Variants in PCDHA3 observed in about 807,000 individuals in gnomAD.
PCDHA3 encodes the protein protocadherin alpha-3.
PCDHA3 carries 41 observed loss-of-function variants against 62.2 expected under a neutral mutation model. That is an observed-to-expected ratio of 0.66 (90% CI 0.51 to 0.86). The LOEUF is 0.86. Ranked by LOEUF, PCDHA3 falls within the 40% of genes least tolerant of loss-of-function variation. PCDHA3 has a pLI of 0.00. For synonymous variants in PCDHA3, 640 were observed against 555.4 expected, an observed-to-expected ratio of 1.15 and a Z score of -2.14; for missense variants, 1,304 against 1,241.2, an observed-to-expected ratio of 1.05 and a Z score of -0.76.
At position 140,802,739 on chromosome 5, in the gene PCDHA3, C is replaced by T. The variant is rs1763012821; in HGVS notation, c.1542C>T (p.Ser514=). Residue 514 remains serine, a synonymous_variant, in exon 1 of 4, where the codon AGC becomes AGT. Coordinates refer to ENST00000522353, the MANE Select transcript of PCDHA3 (RefSeq NM_018906.3). ...GCTACGTGTCGGTACACGCGGAGAG[C>T]GGCAAGGTGTACGCGCTGCAGCCGC... ...LSSYVSVHAE[S]GKVYALQPLD... is the part of the protein sequence containing the mutation. 4 of 1,612,374 alleles carry T rather than the reference C, an allele frequency of 2.5e-6. No homozygotes were observed. In the South Asian group the frequency reaches 3.3e-5, roughly 13 times the overall value.
rs143767190 is a variant in PCDHA3, at chr5:140,836,000, T to C, written c.2394+32409T>C. 1,476 of 1,613,102 alleles carry C rather than the reference T, an allele frequency of 9.2e-4. 25 individuals are homozygous for C. In the East Asian group the frequency reaches 0.013, roughly 14 times the overall value. On this transcript the variant is annotated intron_variant, in intron 1 of 3. Transcript: ENST00000522353. ...TGCAGTTCCAGGTGAGCGCGCGCGATGCGGGCGTGCCGCCTCTGGGCAGCA... is the reference window on the plus strand; with the variant it reads ...TGCAGTTCCAGGTGAGCGCGCGCGACGCGGGCGTGCCGCCTCTGGGCAGCA...
chr5:140,837,515 A>C (rs1170524958), intron 1 of PCDHA3, among the ~76,000 whole-genome samples: 2 of 96,498 alleles, frequency 2.1e-5, no homozygotes, highest in African/African-American at 1.1e-4. Context: ...GAAGCAGTTT[A>C]CTTTTTTTGT....
At chr5:140,828,724 C>A (rs2150158258) in intron 1 of PCDHA3, 6 of 1,614,204 alleles carry the variant, frequency 3.7e-6, no homozygotes, top group Non-Finnish European at 5.1e-6. Flanking sequence ...ACAACTTATT[C>A]CTGACAGCCA....
At chr5:140,865,948 A>T (rs1324483727) in intron 1 of PCDHA3, 1 of 152,186 alleles carries the variant, frequency 6.6e-6, no homozygotes, top group African/African-American at 2.4e-5. Flanking sequence ...GATTGTCTTC[A>T]TCATTAATTT....
chr5:140,869,819 A>G, intron 1 of PCDHA3: 1 of 1,612,282 alleles, frequency 6.2e-7, no homozygotes, highest in Non-Finnish European at 8.5e-7. Context: ...AACGACAATG[A>G]TCCAGAGTTT....
intron 1 of PCDHA3, among the ~76,000 whole-genome samples, chr5:140,832,431 A>AT (rs1176475006): frequency 6.6e-6 from 1 of 152,192 alleles, no homozygotes; most frequent in Non-Finnish European, 1.5e-5. Flanking sequence ...GTACATGATA[A>AT]TTTTTAAGCG....
chr5:140,828,141 C>G lies in PCDHA3; in HGVS notation c.2394+24550C>G, dbSNP rs2150151318. 1.2e-6 allele frequency: 2 copies of G among 1,613,956 alleles called. No homozygotes were observed. The highest frequency in any genetic ancestry group is 1.1e-5 in the South Asian group (1 of 91,042). On this transcript the variant is annotated intron_variant, in intron 1 of 3. Transcript: ENST00000522353. The stretch of plus-strand genomic sequence containing the variant: ...TTGGGAAAGCAATGTCTGCTCCTCC[C>G]GCTTCTGCTCCTCGCAGCCTGGAAG...
rs934191848 is a variant in PCDHA3 at position 140,866,248 on chromosome 5, C to A, written c.2394+62657C>A. 5.9e-5 allele frequency: 9 copies of A among 152,184 alleles called. 1 individual carries two copies. Among genetic ancestry groups the A allele is most frequent in the Admixed American group, 3.9e-4 (6 of 15,284 alleles). 9.4% of individuals were successfully genotyped at this position (152,184 alleles called of 1,614,324 possible). A position where few individuals can be genotyped will look rare whatever the true frequency, so the allele number is the denominator to read the frequency against. ...TAAATACTATATACCAAAAATGACACCCTTCTTTCTTTACTGTGAATAAAG... is the reference window on the plus strand; with the variant it reads ...TAAATACTATATACCAAAAATGACAACCTTCTTTCTTTACTGTGAATAAAG... On this transcript the variant is annotated intron_variant, in intron 1 of 3. Coordinates refer to ENST00000522353, the MANE Select transcript of PCDHA3 (RefSeq NM_018906.3).
chr5:140,929,138 G>C (rs150967804), intron 1 of PCDHA3: 183 of 1,614,054 alleles, frequency 1.1e-4, no homozygotes, highest in Non-Finnish European at 1.5e-4. Context: ...ACAGTTGAGA[G>C]ACTTTCTCAG....
chr5:140,869,175 G>A, intron 1 of PCDHA3: 1 of 1,613,976 alleles, frequency 6.2e-7, no homozygotes, highest in East Asian at 2.2e-5. Context: ...TCGAATTCTG[G>A]GAGGTGGGGA....
chr5:140,805,016 C>T (rs879973697), intron 1 of PCDHA3: 13 of 1,562,148 alleles, frequency 8.3e-6, no homozygotes, highest in Non-Finnish European at 1.0e-5. Context: ...CTGTTATCAG[C>T]TTCTTGAATA....
chr5:140,968,758 T>C, intron 1 of PCDHA3: 1 of 1,614,150 alleles, frequency 6.2e-7, no homozygotes, highest in South Asian at 1.1e-5. Flanking sequence ...TGGTCCGAGA[T>C]AATGGAGAGC....
intron 1 of PCDHA3, among the ~76,000 whole-genome samples, chr5:140,944,386 T>C (rs1228891284): frequency 6.6e-6 from 1 of 152,054 alleles, no homozygotes; most frequent in Admixed American, 6.6e-5. Flanking sequence ...GGAGTCTCAC[T>C]GTGTTATCCA....
chr5:140,939,565 A>G (rs560033193), intron 1 of PCDHA3, among the ~76,000 whole-genome samples: 24 of 152,096 alleles, frequency 1.6e-4, no homozygotes, highest in African/African-American at 5.8e-4. Flanking sequence ...TAGTTTGGTT[A>G]ATCAAAATGG....
chr5:140,855,882 T>C (rs1248405239), intron 1 of PCDHA3: 3 of 945,936 alleles, frequency 3.2e-6, no homozygotes, highest in Admixed American at 3.1e-5. Context: ...AATAGCTTTT[T>C]AGAACAAAGG....
chr5:140,808,769 C>G (rs142480630), intron 1 of PCDHA3: 81,274 of 1,612,192 alleles, frequency 0.05, 2,410 homozygotes, highest in Middle Eastern at 0.074. Flanking sequence ...CCACGAGGAG[C>G]TAGAGCTGCT....
At chr5:140,993,540 A>T (rs1189758746) in intron 3 of PCDHA3, among the ~76,000 whole-genome samples, 7 of 151,678 alleles carry the variant, frequency 4.6e-5, no homozygotes, top group Non-Finnish European at 8.8e-5. Context: ...AGAGAGAGAT[A>T]GAGAAGTGAA....
At position 140,842,903 on chromosome 5, in the gene PCDHA3, C is replaced by G. The variant is rs2150347593; in HGVS notation, c.2394+39312C>G. The G allele has an allele frequency of 1.9e-5, 31 of 1,594,262 alleles. 5 individuals carry two copies. Among genetic ancestry groups the G allele is most frequent in the African/African-American group, 2.7e-5 (2 of 74,310 alleles). ...GCTGCAGCCGCTGGACCACGAGGAG[C>G]TAGAGCTGCTGCAGTTCCAGGTGAG... On this transcript the variant is annotated intron_variant, in intron 1 of 3. Coordinates refer to ENST00000522353, the MANE Select transcript of PCDHA3 (RefSeq NM_018906.3).
chr5:140,851,287 C>T, intron 1 of PCDHA3: 1 of 1,037,890 alleles, frequency 9.6e-7, no homozygotes, highest in Non-Finnish European at 1.2e-6. Flanking sequence ...ATAAGAAACC[C>T]AAGCAAAAAT....
Sources: gnomAD v4.1 joint callset for allele counts (sites outside exome capture counted in the v4.1 genomes callset) on GRCh38, gnomAD v4.1.1 for gene constraint, MANE v1.5 for transcripts, NCBI Gene and HGNC (gene_info 2026-07-23, HGNC 2026-07-21) for gene names.